FOSL2: variants seen among roughly 807,000 people sequenced by gnomAD.
FOSL2 encodes the protein fos-related antigen 2.
Under a neutral mutation model 27.7 loss-of-function variants are expected in FOSL2, and 3 were observed. The ratio of observed to expected loss-of-function variants is 0.11; its 90% confidence interval spans 0.05 to 0.28. The LOEUF is 0.28. Ranked by LOEUF, FOSL2 falls within the 10% of genes least tolerant of loss-of-function variation. The probability of loss-of-function intolerance (pLI) is 1.00; values close to 1 mark genes in which losing one functional copy is unlikely to be tolerated. For missense variants in FOSL2, 333 were observed against 445.1 expected (o/e 0.75, Z 2.27); for synonymous variants, 179 against 190.1 (o/e 0.94, Z 0.48).
intron 1 of FOSL2, among the ~76,000 whole-genome samples, chr2:28,400,933 G>T (rs1663958521): frequency 6.6e-6 from 1 of 152,208 alleles, no homozygotes; most frequent in Admixed American, 6.5e-5. Flanking sequence ...GGAATGAGGA[G>T]TGACTTTCTT....
rs1427983110 is a variant in FOSL2, at chr2:28,416,582, T to C, written c.*4134T>C. On this transcript the variant is annotated 3_prime_UTR_variant, in exon 4 of 4. Transcript: ENST00000264716. ...TTTTAAAGGTGGATTTTCATTCCTC[T>C]GGGGACAGTGGTCGCCAAGACATCT... 1 of 152,076 alleles carries C rather than the reference T, an allele frequency of 6.6e-6. No homozygotes were observed. Among genetic ancestry groups the C allele is most frequent in the Non-Finnish European group, 1.5e-5 (1 of 68,024 alleles). The allele number at this position is 152,076 out of a possible 1,614,324, so 9.4% of individuals were successfully genotyped here.
At chr2:28,409,592 C>T (rs1389997854) in intron 3 of FOSL2, among the ~76,000 whole-genome samples, 2 of 151,990 alleles carry the variant, frequency 1.3e-5, no homozygotes, top group African/African-American at 4.8e-5. Context: ...CAGGAAGGGC[C>T]GTGTGCTGTG....
chr2:28,392,901 C>G lies in FOSL2; in HGVS notation c.-820C>G. On this transcript the variant is annotated 5_prime_UTR_variant, in exon 1 of 4. Coordinates refer to ENST00000264716, the MANE Select transcript of FOSL2 (RefSeq NM_005253.4). ...CAGAGCGCTAGGGCTCCGAGCGAAC[C>G]AGCGAGCGAGCGAACGAGCGGCGCT... 1.4e-6 allele frequency: 1 copy of G among 714,186 alleles called. No individual in the cohort carries two copies. Among genetic ancestry groups the G allele is most frequent in the Non-Finnish European group, 2.6e-6 (1 of 383,096 alleles). 44.2% of individuals were successfully genotyped at this position (714,186 alleles called of 1,614,324 possible). A position where few individuals can be genotyped will look rare whatever the true frequency, so the allele number is the denominator to read the frequency against.
At chr2:28,401,363 G>A (rs1239250852) in intron 1 of FOSL2, among the ~76,000 whole-genome samples, 2 of 152,142 alleles carry the variant, frequency 1.3e-5, no homozygotes, top group Non-Finnish European at 2.9e-5. Flanking sequence ...TGTAGCCAGG[G>A]TTGAGAACCA....
rs1441313962 is a variant in FOSL2, at chr2:28,413,249, C to T, written c.*801C>T. On this transcript the variant is annotated 3_prime_UTR_variant, in exon 4 of 4. Transcript: ENST00000264716. ...GTTGGGTTTGCCAAACGCCTAATTA[C>T]CAGGCCAGGAAGCATGCCAACAAAG... The T allele has an allele frequency of 2.7e-6, 1 of 375,322 alleles. No homozygotes were observed. Among genetic ancestry groups the T allele is most frequent in the Non-Finnish European group, 4.7e-6 (1 of 211,734 alleles). 23.2% of individuals were successfully genotyped at this position (375,322 alleles called of 1,614,324 possible). A position where few individuals can be genotyped will look rare whatever the true frequency, so the allele number is the denominator to read the frequency against.
rs139227976 is a variant in FOSL2, at chr2:28,404,241, G to A, written c.237G>A (p.Ser79=). The change falls in exon 2 of 4, where the codon TCG becomes TCA. Residue 79 remains serine, a synonymous_variant. Transcript: ENST00000264716. This position sits in a 1 kb window ranked among gnomAD's most constrained non-coding sequence, Gnocchi z 4.7. ...ITSMSNPYPR[S]HPYSPLPGLA... ...CCATGTCCAACCCATACCCTCGCTC[G>A]CACCCCTACAGCCCCCTGCCGGGCC... The A allele has an allele frequency of 1.6e-5, 26 of 1,614,012 alleles. No individual in the cohort carries two copies. The highest frequency in any genetic ancestry group is 2.0e-5 in the Non-Finnish European group (24 of 1,180,022).
At chr2:28,395,489 T>G (rs1299495987) in intron 1 of FOSL2, 3 of 152,222 alleles carry the variant, frequency 2.0e-5, no homozygotes, top group African/African-American at 7.2e-5. Context: ...CTGAATAATC[T>G]GTGTCACTAG....
chr2:28,394,980 T>C (rs979432169), intron 1 of FOSL2, among the ~76,000 whole-genome samples: 1 of 148,450 alleles, frequency 6.7e-6, no homozygotes, highest in African/African-American at 2.6e-5. Flanking sequence ...GGAACGTGGC[T>C]CTCTTTTGGA....
rs760049944 is a variant in FOSL2 at position 28,393,744 on chromosome 2, C to T, written c.24C>T (p.Asn8=). MYQDYPG[N]FDTSSRGSSG... is the part of the protein sequence containing the mutation. The stretch of plus-strand genomic sequence containing the variant: ...TCATGTACCAGGATTATCCCGGGAA[C>T]TTTGACACCTCGTCCCGGGGCAGCA... Residue 8 remains asparagine, a synonymous_variant, in exon 1 of 4, where the codon AAC becomes AAT. Coordinates refer to ENST00000264716, the MANE Select transcript of FOSL2 (RefSeq NM_005253.4). The surrounding 1 kb of genome is among the most constrained non-coding windows in gnomAD (Gnocchi z 4.6). 6.8e-6 allele frequency: 11 copies of T among 1,610,356 alleles called. No homozygotes were observed. The East Asian group carries it at 2.0e-4, about 29-fold the overall frequency.
At position 28,404,408 on chromosome 2, in the gene FOSL2, C is replaced by T. The variant is rs781466070; in HGVS notation, c.354+50C>T. 1 of 1,574,342 alleles carries T rather than the reference C, an allele frequency of 6.4e-7. No individual in the cohort carries two copies. Among genetic ancestry groups the T allele is most frequent in the South Asian group, 1.2e-5 (1 of 86,246 alleles). On this transcript the variant is annotated intron_variant, in intron 2 of 3. Transcript: ENST00000264716. This position sits in a 1 kb window ranked among gnomAD's most constrained non-coding sequence, Gnocchi z 4.7. ...AGCCACGTCAGTGGCTTTCAGAGCC[C>T]CAGAAACACAGAACGGGTTTCTGCA...
intron 1 of FOSL2, among the ~76,000 whole-genome samples, chr2:28,394,913 C>T (rs1663779638): frequency 6.6e-6 from 1 of 152,148 alleles, no homozygotes; most frequent in African/African-American, 2.4e-5. Flanking sequence ...GCCTTGGCCT[C>T]TAGAAGGGGC....
intron 3 of FOSL2, among the ~76,000 whole-genome samples, chr2:28,411,572 C>A (rs1486015521): frequency 6.6e-6 from 1 of 152,196 alleles, no homozygotes; most frequent in Admixed American, 6.5e-5. Context: ...CCCCTCTGAA[C>A]CTCAGTTTCC....
At chr2:28,402,524 A>G (rs112150225) in intron 1 of FOSL2, among the ~76,000 whole-genome samples, 1 of 152,254 alleles carries the variant, frequency 6.6e-6, no homozygotes, top group Non-Finnish European at 1.5e-5. Context: ...GCCAGCTTCC[A>G]TTGCTGCGAA....
At chr2:28,407,464 C>T (rs1197617370) in intron 2 of FOSL2, among the ~76,000 whole-genome samples, 1 of 152,246 alleles carries the variant, frequency 6.6e-6, no homozygotes, top group African/African-American at 2.4e-5. Context: ...AGCAACAGAC[C>T]TCCAGGGCTA....
chr2:28,404,355 G>A lies in FOSL2; in HGVS notation c.351G>A (p.Glu117=), dbSNP rs1664036049. Residue 117 remains glutamate, a synonymous_variant, in exon 2 of 4, where the codon GAG becomes GAA. Transcript: ENST00000264716. This position sits in a 1 kb window ranked among gnomAD's most constrained non-coding sequence, Gnocchi z 4.7. The part of the protein sequence containing the change: ...GTTVGRRRRD[E]QLSPEEEEKR... ...CCGTGGGCCGCAGGAGGAGAGATGAGCAGGTACAGCTCAGACCAGTGGGAA... is the reference window on the plus strand; with the variant it reads ...CCGTGGGCCGCAGGAGGAGAGATGAACAGGTACAGCTCAGACCAGTGGGAA... 2 of 1,614,030 alleles carry A rather than the reference G, an allele frequency of 1.2e-6. No individual in the cohort carries two copies. Among genetic ancestry groups the A allele is most frequent in the Non-Finnish European group, 1.7e-6 (2 of 1,179,954 alleles).
intron 3 of FOSL2, chr2:28,410,587 C>T: frequency 1.0e-6 from 1 of 963,000 alleles, no homozygotes; most frequent in Non-Finnish European, 1.2e-6. Flanking sequence ...TATGTCCTCA[C>T]TGATGAACAG....
Position 28,412,559 on chromosome 2 carries a change from AC to A in FOSL2, c.*113del. ...CGTGAGGGCAAGAGGGGGACCTGCC[AC>A]CAGGGAGCTTCCTGGCTCTGGGGGA... On this transcript the variant is annotated 3_prime_UTR_variant, in exon 4 of 4. Coordinates refer to ENST00000264716, the MANE Select transcript of FOSL2 (RefSeq NM_005253.4). This position sits in a 1 kb window ranked among gnomAD's most constrained non-coding sequence, Gnocchi z 7.1. 2 of 1,298,106 alleles carry A rather than the reference AC, an allele frequency of 1.5e-6. No individual in the cohort carries two copies. The highest frequency in any genetic ancestry group is 1.0e-6 in the Non-Finnish European group (1 of 953,446). 80.4% of individuals were successfully genotyped at this position (1,298,106 alleles called of 1,614,324 possible).
chr2:28,395,848 G>A (rs1292071331), intron 1 of FOSL2: 2 of 152,220 alleles, frequency 1.3e-5, no homozygotes, highest in Non-Finnish European at 2.9e-5. Flanking sequence ...GGGGGACGAG[G>A]AGGAACTGGT....
At chr2:28,402,232 G>C (rs975553179) in intron 1 of FOSL2, among the ~76,000 whole-genome samples, 4 of 152,062 alleles carry the variant, frequency 2.6e-5, no homozygotes, top group African/African-American at 9.7e-5. Context: ...GCTTTAGGCA[G>C]CTCTCCTCCC....
Sources: allele counts gnomAD v4.1 joint callset (sites outside exome capture counted in the v4.1 genomes callset), GRCh38; gene constraint gnomAD v4.1.1; non-coding constraint Gnocchi (gnomAD v3.1); transcripts MANE v1.5; gene names NCBI Gene and HGNC (gene_info 2026-07-23, HGNC 2026-07-21).